The following CFAP91 variants were observed in gnomAD, a reference collection of about 807,000 sequenced individuals.
The protein encoded by CFAP91 is cilia- and flagella-associated protein 91.
Under a neutral mutation model 95.9 loss-of-function variants are expected in CFAP91, and 85 were observed. The ratio of observed to expected loss-of-function variants is 0.89; its 90% CI spans 0.74 to 1.06. CFAP91 has a LOEUF of 1.06. Ranked by LOEUF, CFAP91 falls within the 50% of genes least tolerant of loss-of-function variation. The pLI, the probability that CFAP91 is intolerant of heterozygous loss-of-function variation, is 0.00. For synonymous variants in CFAP91, 335 were observed against 327.5 expected (o/e 1.02, Z -0.25); for missense variants, 962 against 943.4 (o/e 1.02, Z -0.26).
At chr3:119,730,494 T>A in intron 8 of CFAP91, 117 bp downstream of exon 8, 1 of 985,892 alleles carries the variant, frequency 1.0e-6, no homozygotes, top group Non-Finnish European at 1.5e-6. Context: ...ATCACATAGG[T>A]AAGGGCTAAG....
intron 17 of CFAP91, among the ~76,000 whole-genome samples, chr3:119,753,989 C>G (rs1055500679): frequency 6.6e-6 from 1 of 152,140 alleles, no homozygotes; most frequent in African/African-American, 2.4e-5. Context: ...TATGGCAGCC[C>G]CAGCTGACTA....
intron 10 of CFAP91, 70 bp from the exon 11 acceptor site, chr3:119,737,296 C>T: frequency 2.3e-6 from 2 of 875,894 alleles, no homozygotes; most frequent in Non-Finnish European, 3.6e-6. Flanking sequence ...TAAAAAACTG[C>T]ACTTTTACCT....
At chr3:119,712,427 A>G (rs2053488022) in intron 5 of CFAP91, among the ~76,000 whole-genome samples, 1 of 152,186 alleles carries the variant, frequency 6.6e-6, no homozygotes, top group Non-Finnish European at 1.5e-5. Flanking sequence ...CAAATGTGTA[A>G]TTATTTAATT....
chr3:119,717,772 C>T (rs2053605856), intron 6 of CFAP91, among the ~76,000 whole-genome samples: 1 of 152,142 alleles, frequency 6.6e-6, no homozygotes, highest in African/African-American at 2.4e-5. Flanking sequence ...AATGTTCACA[C>T]ATCCCTACGA....
At chr3:119,747,764 A>T (rs1444438988) in intron 15 of CFAP91, 47 bp from the exon 16 acceptor site, 1 of 1,518,502 alleles carries the variant, frequency 6.6e-7, no homozygotes, top group Admixed American at 1.7e-5. Flanking sequence ...TCAGCAGCTC[A>T]AGTGAAAAAA....
intron 6 of CFAP91, 38 bp downstream of exon 6, chr3:119,715,781 A>T: frequency 6.3e-7 from 1 of 1,583,292 alleles, no homozygotes; most frequent in Non-Finnish European, 8.7e-7. Flanking sequence ...GCAGATGACG[A>T]TGCTGATAAC....
chr3:119,727,147 T>A (rs1461782355), intron 7 of CFAP91, among the ~76,000 whole-genome samples: 1 of 152,222 alleles, frequency 6.6e-6, no homozygotes, highest in African/African-American at 2.4e-5. Context: ...GCTGACGCAC[T>A]TTATTGCTCT....
At chr3:119,763,860 C>G (rs1456856827) in intron 17 of CFAP91, among the ~76,000 whole-genome samples, 3 of 151,872 alleles carry the variant, frequency 2.0e-5, no homozygotes, top group African/African-American at 7.3e-5. Context: ...AGATGTTGGT[C>G]AAAGGATACA....
At chr3:119,757,508 A>AT (rs1268735388) in intron 17 of CFAP91, among the ~76,000 whole-genome samples, 1 of 151,968 alleles carries the variant, frequency 6.6e-6, no homozygotes, top group African/African-American at 2.4e-5. Context: ...TTAGCCAGGC[A>AT]TGGTGGTGTG....
chr3:119,720,155 G>A (rs1559751943), intron 6 of CFAP91, among the ~76,000 whole-genome samples: 1 of 151,676 alleles, frequency 6.6e-6, no homozygotes, highest in Non-Finnish European at 1.5e-5. Flanking sequence ...TTGGGAGGCT[G>A]AGGCAGGTGG....
At chr3:119,741,433 G>C (rs903855383) in intron 13 of CFAP91, among the ~76,000 whole-genome samples, 7 of 152,162 alleles carry the variant, frequency 4.6e-5, no homozygotes, top group Non-Finnish European at 1.0e-4. Flanking sequence ...GCTCATGCTG[G>C]TTAAACTGCA....
chr3:119,709,359 A>G (rs978800704), intron 4 of CFAP91, among the ~76,000 whole-genome samples: 16 of 152,216 alleles, frequency 1.1e-4, no homozygotes, highest in African/African-American at 3.9e-4. Flanking sequence ...TTTTCCAGAG[A>G]AATGTTAAAT....
rs1260988743 is a variant in CFAP91, at chr3:119,732,445, A to G, written c.1170A>G (p.Val390=). 1.9e-6 allele frequency: 3 copies of G among 1,607,352 alleles called. No individual in the cohort carries two copies. In the African/African-American group the frequency reaches 4.0e-5, roughly 22 times the overall value. ...CFPDNNSEDF[V]VKNYYLNTYE... is the part of the protein sequence containing the mutation. ...CAGACAACAACTCAGAGGACTTTGT[A>G]GTAAAAAACTACTATCTCAACACCT... is the stretch of plus-strand genomic sequence containing the variant. Residue 390 remains valine, a synonymous_variant, in exon 9 of 18, where the codon GTA becomes GTG. Transcript: ENST00000273390.
Position 119,733,512 on chromosome 3 carries a change from A to G in CFAP91, c.1344+6A>G, listed in dbSNP as rs1239851386. On this transcript the variant is annotated splice_donor_region_variant and intron_variant, in intron 10 of 17. Coordinates refer to ENST00000273390, the MANE Select transcript of CFAP91 (RefSeq NM_033364.4). ...AGTTGGCAGAGGTTCATAAGGTATA[A>G]TCATTATCTGGAGGACAAAATGCTT... 2.5e-6 allele frequency: 4 copies of G among 1,605,862 alleles called. No homozygotes were observed. The African/African-American group carries it at 5.4e-5, about 22-fold the overall frequency.
chr3:119,720,174 G>A (rs1274032646), intron 6 of CFAP91, among the ~76,000 whole-genome samples: 1 of 151,204 alleles, frequency 6.6e-6, no homozygotes, highest in African/African-American at 2.4e-5. Flanking sequence ...GGATCACGAG[G>A]TCAAGAGATC....
At chr3:119,712,113 G>T (rs1340373994) in intron 5 of CFAP91, among the ~76,000 whole-genome samples, 1 of 152,234 alleles carries the variant, frequency 6.6e-6, no homozygotes. Context: ...GCATGGAGCA[G>T]ATGTGGGACC....
Position 119,732,558 on chromosome 3 carries a change from AG to A in CFAP91, c.1201+83del, listed in dbSNP as rs553833201. The A allele has an allele frequency of 1.8e-4, 179 of 998,594 alleles. No individual in the cohort carries two copies. In the South Asian group the frequency reaches 2.4e-3, roughly 13 times the overall value. The allele number at this position is 998,594 out of a possible 1,614,324, so 61.9% of individuals were successfully genotyped here. On this transcript the variant is annotated intron_variant, in intron 9 of 17. Coordinates refer to ENST00000273390, the MANE Select transcript of CFAP91 (RefSeq NM_033364.4). ...TTAAATATATAAAATGTAGAAATTT[AG>A]ATTAAAAGCTAAGCAATAAAAATAT...
chr3:119,714,552 A>G (rs994125339), intron 5 of CFAP91, among the ~76,000 whole-genome samples: 1 of 152,148 alleles, frequency 6.6e-6, no homozygotes, highest in Non-Finnish European at 1.5e-5. Context: ...ATAAAATAGT[A>G]TCTTGCTGTT....
chr3:119,714,306 C>CAGTG (rs1386778872), intron 5 of CFAP91, among the ~76,000 whole-genome samples: 4 of 147,440 alleles, frequency 2.7e-5, no homozygotes, highest in Non-Finnish European at 5.9e-5. Flanking sequence ...GCGGAGCTTG[C>CAGTG]AGTGAGCCGA....
Sources: gnomAD v4.1 joint callset for allele counts (sites outside exome capture counted in the v4.1 genomes callset) on GRCh38, gnomAD v4.1.1 for gene constraint, MANE v1.5 for transcripts, NCBI Gene and HGNC (gene_info 2026-07-23, HGNC 2026-07-21) for gene names.